ARHGAP15: variants seen among roughly 807,000 people sequenced by gnomAD.
ARHGAP15 encodes rho GTPase-activating protein 15.
A neutral mutation model predicts 63.7 loss-of-function variants in ARHGAP15; 51 were observed. The ratio of observed to expected loss-of-function variants is 0.80; its 90% confidence interval spans 0.64 to 1.01. The LOEUF (loss-of-function observed/expected upper bound fraction) is 1.01, where lower values mean the gene tolerates loss of function less well. ARHGAP15 is among the 50% of genes least tolerant of loss of function. ARHGAP15 has a pLI of 0.00. For synonymous variants in ARHGAP15, 191 were observed against 193.8 expected (o/e 0.99, Z 0.12); for missense variants, 560 against 564.6 (o/e 0.99, Z 0.08).
chr2:143,591,578 A>G (rs143505146), intron 11 of ARHGAP15, among the ~76,000 whole-genome samples: 126 of 151,110 alleles, frequency 8.3e-4, no homozygotes, highest in Middle Eastern at 3.5e-3. Flanking sequence ...TTATTATGCA[A>G]GTGTTTCTGG....
At chr2:143,213,236 G>A (rs560085296) in intron 3 of ARHGAP15, among the ~76,000 whole-genome samples, 16 of 152,270 alleles carry the variant, frequency 1.1e-4, no homozygotes, top group African/African-American at 3.1e-4. Context: ...TGAAAGGGCC[G>A]GGTGCGGTGG....
At chr2:143,249,121 C>A (rs1368722927) in intron 5 of ARHGAP15, among the ~76,000 whole-genome samples, 3 of 152,112 alleles carry the variant, frequency 2.0e-5, no homozygotes, top group Admixed American at 1.3e-4. Flanking sequence ...ACAATAAAAA[C>A]TTTTCACTGA....
intron 8 of ARHGAP15, among the ~76,000 whole-genome samples, chr2:143,471,186 ATATATACACACATATATG>A (rs1691542697): frequency 2.1e-5 from 3 of 141,610 alleles, no homozygotes; most frequent in Non-Finnish European, 3.1e-5. Flanking sequence ...ATGTGTGTGT[ATATATACACACATATATG>A]TGTGTATATA....
At chr2:143,192,288 G>A (rs1691713057) in intron 2 of ARHGAP15, among the ~76,000 whole-genome samples, 1 of 152,156 alleles carries the variant, frequency 6.6e-6, no homozygotes, top group Non-Finnish European at 1.5e-5. Context: ...TAAAGACTAG[G>A]ACAGATCAAG....
intron 12 of ARHGAP15, among the ~76,000 whole-genome samples, chr2:143,700,902 T>C (rs913453000): frequency 6.6e-6 from 1 of 152,202 alleles, no homozygotes. Context: ...AGCATCACAT[T>C]TTCTTACCAT....
At chr2:143,332,986 A>G (rs1684614527) in intron 6 of ARHGAP15, among the ~76,000 whole-genome samples, 2 of 152,000 alleles carry the variant, frequency 1.3e-5, no homozygotes, top group Non-Finnish European at 2.9e-5. Context: ...AAAAAAAAAA[A>G]AAAGCTACCA....
In ARHGAP15 at chr2:143,242,347, GA is replaced by G. The variant is rs1205417770; in HGVS notation, c.385-8161del. Among the ~76,000 whole-genome samples the G allele has an allele frequency of 3.3e-5, 5 of 152,362 alleles. No homozygotes were observed. The East Asian group carries it at 9.7e-4, about 29-fold the overall frequency. ...GACTGAGTGGATGACAGTCTAAGAG[GA>G]AACTCTGAGGAGGCACCTGAGACAT... On this transcript the variant is annotated intron_variant, in intron 5 of 13. Transcript: ENST00000295095.
At chr2:143,435,995 AT>A (rs58478346) in intron 7 of ARHGAP15, among the ~76,000 whole-genome samples, 16,811 of 151,276 alleles carry the variant, frequency 0.11, 1,310 homozygotes, top group African/African-American at 0.22. Flanking sequence ...ATAACTACTG[AT>A]TTTTTTTTCA....
At chr2:143,207,149 G>C (rs940010574) in intron 3 of ARHGAP15, among the ~76,000 whole-genome samples, 1 of 151,798 alleles carries the variant, frequency 6.6e-6, no homozygotes, top group Non-Finnish European at 1.5e-5. Context: ...TTCAGAAATA[G>C]TTTTCAAAAT....
intron 8 of ARHGAP15, among the ~76,000 whole-genome samples, chr2:143,479,330 CTT>C (rs1352940117): frequency 6.7e-6 from 1 of 150,354 alleles, no homozygotes; most frequent in African/African-American, 2.4e-5. Flanking sequence ...GCCTACAACT[CTT>C]TTTGGGGTTT....
chr2:143,185,320 A>G (rs1361067167), intron 2 of ARHGAP15, among the ~76,000 whole-genome samples: 1 of 152,170 alleles, frequency 6.6e-6, no homozygotes, highest in East Asian at 1.9e-4. Flanking sequence ...TCATTGTCCC[A>G]TTGATTTAAA....
chr2:143,751,925 C>T (rs1686392117), intron 13 of ARHGAP15, among the ~76,000 whole-genome samples: 1 of 152,116 alleles, frequency 6.6e-6, no homozygotes. Flanking sequence ...GGTGCCTGGA[C>T]CCAAGAAGCT....
chr2:143,282,177 T>C (rs1681882424), intron 6 of ARHGAP15, among the ~76,000 whole-genome samples: 1 of 152,190 alleles, frequency 6.6e-6, no homozygotes, highest in South Asian at 2.1e-4. Context: ...TCTATAGACT[T>C]TAATCTGCCC....
At chr2:143,242,265 A>C (rs1693893093) in intron 5 of ARHGAP15, among the ~76,000 whole-genome samples, 1 of 152,284 alleles carries the variant, frequency 6.6e-6, no homozygotes, top group Non-Finnish European at 1.5e-5. Context: ...GGTCATTCTC[A>C]AGAGGTGGAC....
intron 6 of ARHGAP15, among the ~76,000 whole-genome samples, chr2:143,426,436 CAG>C (rs1190608988): frequency 1.3e-5 from 2 of 152,076 alleles, no homozygotes; most frequent in Non-Finnish European, 2.9e-5. Flanking sequence ...ATGAATAAGT[CAG>C]AGTCATGGGC....
chr2:143,346,246 A>T (rs76011138), intron 6 of ARHGAP15, among the ~76,000 whole-genome samples: 43 of 80,638 alleles, frequency 5.3e-4, no homozygotes, highest in Admixed American at 1.5e-3. Flanking sequence ...TCACACACAC[A>T]CACTCACACA....
chr2:143,435,654 C>T lies in ARHGAP15; in HGVS notation c.528C>T (p.Ile176=). The T allele has an allele frequency of 1.9e-6, 3 of 1,597,868 alleles. No homozygotes were observed. Among genetic ancestry groups the T allele is most frequent in the South Asian group, 2.2e-5 (2 of 89,822 alleles). ...TTCTACAGTCAGATATTGACTTCAT[C>T]ATATTGGATTGGTTCCACGCTATCA... The part of the protein sequence containing the change: ...EFLLQSDIDF[I]ILDWFHAIKN... The change falls in exon 7 of 14, where the codon ATC becomes ATT. Residue 176 remains isoleucine (I), a synonymous_variant. Transcript: ENST00000295095.
chr2:143,715,169 C>CA (rs1385792656), intron 13 of ARHGAP15, among the ~76,000 whole-genome samples: 2 of 152,172 alleles, frequency 1.3e-5, no homozygotes, highest in Non-Finnish European at 2.9e-5. Context: ...GTACTTCTTA[C>CA]ATTGTGGAGG....
chr2:143,177,751 T>C (rs1691065022), intron 2 of ARHGAP15, among the ~76,000 whole-genome samples: 1 of 152,224 alleles, frequency 6.6e-6, no homozygotes. Flanking sequence ...AGAGCCTACA[T>C]GACATGTATC....
Sources: allele counts gnomAD v4.1 joint callset (sites outside exome capture counted in the v4.1 genomes callset), GRCh38; gene constraint gnomAD v4.1.1; transcripts MANE v1.5; gene names NCBI Gene and HGNC (gene_info 2026-07-23, HGNC 2026-07-21).